The following KCNIP4 variants were observed in gnomAD, a reference collection of about 807,000 sequenced individuals.
KCNIP4 encodes potassium voltage-gated channel interacting protein 4.
Under a neutral mutation model 34.0 loss-of-function variants are expected in KCNIP4, and 12 were observed. The ratio of observed to expected loss-of-function variants is 0.35; its 90% CI spans 0.23 to 0.57. KCNIP4 has a LOEUF of 0.57. KCNIP4 is among the 20% of genes least tolerant of loss of function. KCNIP4 has a pLI of 0.83. For missense variants in KCNIP4, 238 were observed against 311.7 expected (o/e 0.76, Z 1.78); for synonymous variants, 124 against 102.2 (o/e 1.21, Z -1.29).
rs1443987146 is a variant in KCNIP4 at position 21,481,151 on chromosome 4, C to T, written c.61+467420G>A. 5.9e-5 allele frequency among the ~76,000 whole-genome samples: 9 copies of T among 152,106 alleles called. No individual in the cohort carries two copies. In the East Asian group the frequency reaches 1.7e-3, roughly 29 times the overall value. On this transcript the variant is annotated intron_variant, in intron 1 of 8. Coordinates refer to ENST00000382152, the MANE Select transcript of KCNIP4 (RefSeq NM_025221.6). ...GAAGTAGAAACTACTCAATAAGTGT[C>T]CCAAGAAAAACTGGCTATTCAAATG...
intron 1 of KCNIP4, among the ~76,000 whole-genome samples, chr4:21,070,507 T>A (rs910154208): frequency 1.3e-5 from 2 of 152,006 alleles, no homozygotes; most frequent in Admixed American, 1.3e-4. Flanking sequence ...TGATATCTCA[T>A]TGTCATCTTA....
chr4:20,748,597 TA>T lies in KCNIP4; in HGVS notation c.429+1064del, dbSNP rs1560431234. 2.7e-3 allele frequency among the ~76,000 whole-genome samples: 285 copies of T among 104,480 alleles called. 4 individuals are homozygous for T. In the South Asian group the frequency reaches 0.033, roughly 12 times the overall value. The allele number at this position is 104,480 out of a possible 152,430, so 68.5% of individuals were successfully genotyped here. On this transcript the variant is annotated intron_variant, in intron 5 of 8. Transcript: ENST00000382152. Reference sequence around the variant, plus strand: ...ATATATATATATATATATATATATATATATATATTCCATAAGTAAATATAAA... The same window carrying T: ...ATATATATATATATATATATATATATTATATATTCCATAAGTAAATATAAA...
intron 1 of KCNIP4, among the ~76,000 whole-genome samples, chr4:21,372,542 T>C (rs530716689): frequency 6.8e-6 from 1 of 147,014 alleles, no homozygotes; most frequent in East Asian, 2.0e-4. Flanking sequence ...AGCAGGTAGG[T>C]TTCTAAAAAG....
At chr4:21,946,188 C>T (rs1730502557) in intron 1 of KCNIP4, among the ~76,000 whole-genome samples, 1 of 151,846 alleles carries the variant, frequency 6.6e-6, no homozygotes, top group East Asian at 1.9e-4. Context: ...TCACAGTGTT[C>T]TATCTCTAAG....
intron 3 of KCNIP4, among the ~76,000 whole-genome samples, chr4:20,838,865 T>C (rs1214249885): frequency 6.6e-6 from 1 of 152,236 alleles, no homozygotes; most frequent in Non-Finnish European, 1.5e-5. Flanking sequence ...TTAGAAAGAC[T>C]TGTAATGAAT....
At chr4:21,396,406 A>C (rs984037779) in intron 1 of KCNIP4, among the ~76,000 whole-genome samples, 5 of 151,828 alleles carry the variant, frequency 3.3e-5, no homozygotes, top group African/African-American at 9.7e-5. Flanking sequence ...AAATACAAAA[A>C]TTAGCTGAGC....
intron 1 of KCNIP4, among the ~76,000 whole-genome samples, chr4:21,034,694 T>G (rs992789116): frequency 6.6e-6 from 1 of 152,190 alleles, no homozygotes; most frequent in African/African-American, 2.4e-5. Flanking sequence ...GAGTTCCATC[T>G]GTTATCCTAA....
At chr4:21,524,002 T>C (rs748523728) in intron 1 of KCNIP4, among the ~76,000 whole-genome samples, 1 of 152,190 alleles carries the variant, frequency 6.6e-6, no homozygotes, top group Admixed American at 6.6e-5. Flanking sequence ...ATTTCTGCCA[T>C]GTTTCTTTGC....
intron 2 of KCNIP4, among the ~76,000 whole-genome samples, chr4:20,876,475 G>A (rs1724044325): frequency 6.6e-6 from 1 of 152,060 alleles, no homozygotes; most frequent in African/African-American, 2.4e-5. Flanking sequence ...CCATAAAGTA[G>A]CTAAATCCCT....
At chr4:21,485,641 C>A (rs1002995921) in intron 1 of KCNIP4, among the ~76,000 whole-genome samples, 1 of 152,162 alleles carries the variant, frequency 6.6e-6, no homozygotes, top group East Asian at 1.9e-4. Context: ...ACATCATATC[C>A]TCAATGAAAC....
chr4:20,956,788 G>A (rs1256976575), intron 1 of KCNIP4, among the ~76,000 whole-genome samples: 1 of 152,086 alleles, frequency 6.6e-6, no homozygotes, highest in South Asian at 2.1e-4. Flanking sequence ...ACCAATGGCC[G>A]CTATTTACAA....
At position 21,525,706 on chromosome 4, in the gene KCNIP4, G is replaced by A. The variant is rs148479068; in HGVS notation, c.61+422865C>T. On this transcript the variant is annotated intron_variant, in intron 1 of 8. Coordinates refer to ENST00000382152, the MANE Select transcript of KCNIP4 (RefSeq NM_025221.6). ...CTATTCTTCTGGTTGTTTTAAATTG[G>A]GGATTCAGAGGTGTAGGAAGAAATT... 5.6e-3 allele frequency among the ~76,000 whole-genome samples: 856 copies of A among 152,040 alleles called. 5 individuals carry two copies. Among genetic ancestry groups the A allele is most frequent in the African/African-American group, 0.02 (818 of 41,466 alleles).
chr4:21,157,918 T>C (rs1393677067), intron 1 of KCNIP4, among the ~76,000 whole-genome samples: 1 of 151,582 alleles, frequency 6.6e-6, no homozygotes, highest in African/African-American at 2.4e-5. Flanking sequence ...GTCAATACAA[T>C]CAATAAACCT....
At chr4:20,743,062 C>T (rs1453636721) in intron 5 of KCNIP4, among the ~76,000 whole-genome samples, 1 of 134,892 alleles carries the variant, frequency 7.4e-6, no homozygotes, top group African/African-American at 2.9e-5. Context: ...GTGTGAAGGA[C>T]CCTTATAAGT....
At chr4:20,879,675 C>A (rs1040196322) in intron 2 of KCNIP4, among the ~76,000 whole-genome samples, 1 of 152,076 alleles carries the variant, frequency 6.6e-6, no homozygotes, top group Non-Finnish European at 1.5e-5. Context: ...CTGTATTTAA[C>A]AAATGACTAT....
intron 5 of KCNIP4, among the ~76,000 whole-genome samples, chr4:20,736,702 T>TA (rs1749715079): frequency 6.6e-6 from 1 of 152,222 alleles, no homozygotes; most frequent in South Asian, 2.1e-4. Context: ...GCATGATACT[T>TA]ACTTTTATCA....
At chr4:20,935,559 C>T (rs1345694166) in intron 1 of KCNIP4, among the ~76,000 whole-genome samples, 3 of 152,054 alleles carry the variant, frequency 2.0e-5, no homozygotes, top group Non-Finnish European at 4.4e-5. Context: ...GTTTTCCACC[C>T]CAATTCTCTA....
intron 1 of KCNIP4, among the ~76,000 whole-genome samples, chr4:21,384,378 A>G (rs138604849): frequency 3.7e-4 from 57 of 152,294 alleles, no homozygotes; most frequent in African/African-American, 1.3e-3. Context: ...AACACAGTAG[A>G]TATTAAATAA....
At chr4:21,532,068 C>T (rs1481780244) in intron 1 of KCNIP4, among the ~76,000 whole-genome samples, 1 of 152,042 alleles carries the variant, frequency 6.6e-6, no homozygotes, top group Non-Finnish European at 1.5e-5. Flanking sequence ...TTCAGAAAAT[C>T]ATTTCTGATG....
Sources: gnomAD v4.1 joint callset for allele counts (sites outside exome capture counted in the v4.1 genomes callset) on GRCh38, gnomAD v4.1.1 for gene constraint, MANE v1.5 for transcripts, NCBI Gene and HGNC (gene_info 2026-07-23, HGNC 2026-07-21) for gene names.